SLC24A2: variants seen among roughly 807,000 people sequenced by gnomAD.
The protein encoded by SLC24A2 is sodium/potassium/calcium exchanger 2.
SLC24A2 carries 36 observed loss-of-function variants against 62.0 expected under a neutral mutation model. That is an observed-to-expected ratio of 0.58 (90% CI 0.44 to 0.77). The LOEUF is 0.77. Among genes scored for constraint, SLC24A2 ranks in the 30% least tolerant of loss-of-function variants. The pLI is 0.00. For missense variants in SLC24A2, 846 were observed against 817.9 expected (o/e 1.03, Z -0.42); for synonymous variants, 358 against 294.0 (o/e 1.22, Z -2.23).
chr9:19,530,268 CTG>C (rs957985673), intron 8 of SLC24A2, among the ~76,000 whole-genome samples: 4 of 152,000 alleles, frequency 2.6e-5, no homozygotes, highest in African/African-American at 9.7e-5. Flanking sequence ...TGGCTGTGCT[CTG>C]TTACAGGAAA....
the SLC24A2 span, among the ~76,000 whole-genome samples, chr9:19,868,782 C>T: frequency 6.6e-6 from 1 of 151,956 alleles, no homozygotes; most frequent in East Asian, 1.9e-4. Flanking sequence ...ACTAATTTAG[C>T]AACTCTAGCT....
chr9:20,038,316 C>T, the SLC24A2 span, among the ~76,000 whole-genome samples: 1 of 152,188 alleles, frequency 6.6e-6, no homozygotes, highest in Non-Finnish European at 1.5e-5. Flanking sequence ...AATGAGCTAA[C>T]TAATAATAAT....
chr9:19,577,662 G>A (rs1019953710), intron 5 of SLC24A2, among the ~76,000 whole-genome samples: 1 of 152,036 alleles, frequency 6.6e-6, no homozygotes, highest in Admixed American at 6.6e-5. Flanking sequence ...TGTGGATTTA[G>A]GGCAAGGAAG....
chr9:20,041,965 T>A, the SLC24A2 span, among the ~76,000 whole-genome samples: 2 of 152,212 alleles, frequency 1.3e-5, no homozygotes, highest in African/African-American at 4.8e-5. Flanking sequence ...CTCTGCACTG[T>A]GGCCGCAGCA....
At chr9:19,730,996 T>C (rs757181353) in intron 2 of SLC24A2, among the ~76,000 whole-genome samples, 1 of 152,156 alleles carries the variant, frequency 6.6e-6, no homozygotes, top group Non-Finnish European at 1.5e-5. Flanking sequence ...TGCTTCATAG[T>C]CCATTTGTTC....
chr9:19,704,896 T>A (rs73430083), intron 2 of SLC24A2, among the ~76,000 whole-genome samples: 4,144 of 151,830 alleles, frequency 0.027, 206 homozygotes, highest in African/African-American at 0.095. Flanking sequence ...ATGAAACAGA[T>A]CGGTTTCCCT....
At chr9:19,866,005 A>G in the SLC24A2 span, among the ~76,000 whole-genome samples, 1 of 152,262 alleles carries the variant, frequency 6.6e-6, no homozygotes, top group African/African-American at 2.4e-5. Flanking sequence ...ATTGGGGGGA[A>G]AAATCTAATA....
chr9:19,680,862 T>A (rs1049662261), intron 2 of SLC24A2, among the ~76,000 whole-genome samples: 5 of 143,480 alleles, frequency 3.5e-5, no homozygotes, highest in African/African-American at 1.5e-4. Context: ...TGTGTGTGTG[T>A]GTGTGTGTGT....
chr9:19,791,716 T>C (rs969730099), upstream of SLC24A2, among the ~76,000 whole-genome samples: 1 of 152,228 alleles, frequency 6.6e-6, no homozygotes, highest in Admixed American at 6.5e-5. Context: ...TATTGCCTAG[T>C]CATAAAGAAA....
At chr9:20,241,986 T>C in the SLC24A2 span, among the ~76,000 whole-genome samples, 1 of 152,218 alleles carries the variant, frequency 6.6e-6, no homozygotes, top group Non-Finnish European at 1.5e-5. Context: ...TAGAATCTTC[T>C]TGAAATTCTA....
At chr9:19,973,220 T>C in the SLC24A2 span, among the ~76,000 whole-genome samples, 1 of 152,192 alleles carries the variant, frequency 6.6e-6, no homozygotes, top group African/African-American at 2.4e-5. Context: ...AGTGTTCTTG[T>C]GTAGCAGACA....
At chr9:19,975,568 C>T in the SLC24A2 span, among the ~76,000 whole-genome samples, 2 of 152,174 alleles carry the variant, frequency 1.3e-5, no homozygotes, top group Admixed American at 1.3e-4. Flanking sequence ...AAATATTCAA[C>T]TTACAGGGTT....
chr9:19,963,573 C>G, the SLC24A2 span, among the ~76,000 whole-genome samples: 7 of 152,206 alleles, frequency 4.6e-5, no homozygotes, highest in Non-Finnish European at 7.3e-5. Flanking sequence ...TGAACAGACA[C>G]TTCTCAAAAG....
At chr9:19,569,387 T>G (rs551604169) in intron 7 of SLC24A2, among the ~76,000 whole-genome samples, 7 of 152,332 alleles carry the variant, frequency 4.6e-5, no homozygotes, top group African/African-American at 1.7e-4. Context: ...TCTAAGAGAA[T>G]TGTCTTTCTA....
At chr9:20,085,636 G>A in the SLC24A2 span, among the ~76,000 whole-genome samples, 1 of 152,166 alleles carries the variant, frequency 6.6e-6, no homozygotes, top group Non-Finnish European at 1.5e-5. Flanking sequence ...CCATCTCACT[G>A]TTACAGCTAG....
the SLC24A2 span, among the ~76,000 whole-genome samples, chr9:20,265,522 G>C: frequency 5.3e-5 from 8 of 152,256 alleles, no homozygotes; most frequent in East Asian, 1.5e-3. Flanking sequence ...CAATACCCTT[G>C]TGATTTCCTA....
intron 8 of SLC24A2, among the ~76,000 whole-genome samples, chr9:19,532,276 A>T (rs1179918572): frequency 6.6e-6 from 1 of 152,034 alleles, no homozygotes; most frequent in Admixed American, 6.6e-5. Flanking sequence ...TTGTATTTTT[A>T]GTAGAGACAG....
the SLC24A2 span, among the ~76,000 whole-genome samples, chr9:20,298,284 C>A: frequency 6.6e-6 from 1 of 152,220 alleles, no homozygotes; most frequent in African/African-American, 2.4e-5. Flanking sequence ...GGCTGGAGTG[C>A]AGCAGAGCTA....
the SLC24A2 span, among the ~76,000 whole-genome samples, chr9:19,954,762 A>G: frequency 6.5e-4 from 99 of 152,232 alleles, no homozygotes; most frequent in African/African-American, 2.2e-3. Context: ...AGCCTTCCCT[A>G]CATTCTTCTG....
Sources: allele counts gnomAD v4.1 joint callset (sites outside exome capture counted in the v4.1 genomes callset), GRCh38; gene constraint gnomAD v4.1.1; transcripts MANE v1.5; gene names NCBI Gene and HGNC (gene_info 2026-07-23, HGNC 2026-07-21).